GLIPR1L2: variants seen among roughly 807,000 people sequenced by gnomAD.
GLIPR1L2 encodes the protein GLIPR1-like protein 2.
Under a neutral mutation model 28.4 loss-of-function variants are expected in GLIPR1L2, and 21 were observed. The observed-to-expected ratio is 0.74, with a 90% CI of 0.52 to 1.06. The LOEUF is 1.06. Ranked by LOEUF, GLIPR1L2 falls within the 50% of genes least tolerant of loss-of-function variation. The pLI is 0.00. For synonymous variants in GLIPR1L2, 145 were observed against 139.3 expected, an observed-to-expected ratio of 1.04 and a Z score of -0.29; for missense variants, 476 against 416.9, an observed-to-expected ratio of 1.14 and a Z score of -1.23.
intron 1 of GLIPR1L2, chr12:75,391,672 A>G (rs898516115): frequency 7.5e-5 from 41 of 548,200 alleles, no homozygotes; most frequent in Admixed American, 1.2e-4. Context: ...TCAGTGCAAA[A>G]ATATCAATAT....
chr12:75,419,313 A>T (rs897375987), intron 3 of GLIPR1L2, among the ~76,000 whole-genome samples: 3 of 152,196 alleles, frequency 2.0e-5, no homozygotes, highest in African/African-American at 7.2e-5. Context: ...GGTTATAGCC[A>T]GTGAGTGAAA....
chr12:75,432,675 G>A lies in GLIPR1L2; in HGVS notation c.*1514G>A, dbSNP rs191972821. On this transcript the variant is annotated 3_prime_UTR_variant, in exon 6 of 6. Coordinates refer to ENST00000550916, the MANE Select transcript of GLIPR1L2 (RefSeq NM_001270396.2). ...TGAGAATTATATTAAAAAGCCCTGAGCTATCCTCTTGGATTTGAATGTTTC... is the reference window on the plus strand; with the variant it reads ...TGAGAATTATATTAAAAAGCCCTGAACTATCCTCTTGGATTTGAATGTTTC... 1 of 151,982 alleles carries A rather than the reference G, an allele frequency of 6.6e-6. No homozygotes were observed. The highest frequency in any genetic ancestry group is 2.4e-5 in the African/African-American group (1 of 41,470). The allele number at this position is 151,982 out of a possible 1,614,324, so 9.4% of individuals were successfully genotyped here. A position where few individuals can be genotyped will look rare whatever the true frequency, so the allele number is the denominator to read the frequency against.
At chr12:75,419,894 G>C (rs1223672325) in intron 3 of GLIPR1L2, among the ~76,000 whole-genome samples, 2 of 152,308 alleles carry the variant, frequency 1.3e-5, no homozygotes, top group East Asian at 1.9e-4. Flanking sequence ...AAATATATTA[G>C]ATGTTGCAGA....
intron 4 of GLIPR1L2, among the ~76,000 whole-genome samples, chr12:75,424,308 C>T (rs192222083): frequency 1.5e-3 from 221 of 152,332 alleles, no homozygotes; most frequent in African/African-American, 5.2e-3. Context: ...TTGCATTTCT[C>T]TAATGACCAG....
At chr12:75,409,124 C>T (rs10879909) in intron 1 of GLIPR1L2, among the ~76,000 whole-genome samples, 79,156 of 151,662 alleles carry the variant, frequency 0.52, 20,792 homozygotes, top group East Asian at 0.58. Context: ...ATGAATTCTT[C>T]TGCGATTTTT....
At chr12:75,426,941 A>G (rs969804596) in intron 4 of GLIPR1L2, among the ~76,000 whole-genome samples, 4 of 152,188 alleles carry the variant, frequency 2.6e-5, no homozygotes, top group Non-Finnish European at 5.9e-5. Flanking sequence ...CAAAAAGAAG[A>G]GATGAATGAA....
intron 1 of GLIPR1L2, among the ~76,000 whole-genome samples, chr12:75,406,783 GAGAGAA>G (rs1246734489): frequency 1.3e-5 from 2 of 148,552 alleles, no homozygotes; most frequent in Non-Finnish European, 3.0e-5. Flanking sequence ...AAGAGAGAGA[GAGAGAA>G]AGAGAGAGAG....
chr12:75,396,651 T>G (rs368324514), intron 1 of GLIPR1L2, among the ~76,000 whole-genome samples: 4 of 152,228 alleles, frequency 2.6e-5, no homozygotes, highest in African/African-American at 9.6e-5. Context: ...TCCCACAGTA[T>G]GGTTCCTATA....
intron 4 of GLIPR1L2, chr12:75,424,086 A>T (rs1364439374): frequency 6.6e-6 from 1 of 152,240 alleles, no homozygotes; most frequent in Non-Finnish European, 1.5e-5. Flanking sequence ...TGTACCCAGT[A>T]ATGGGATTAC....
intron 1 of GLIPR1L2, among the ~76,000 whole-genome samples, chr12:75,400,436 A>C (rs181791409): frequency 6.6e-6 from 1 of 152,192 alleles, no homozygotes; most frequent in African/African-American, 2.4e-5. Flanking sequence ...CGTTCTTTAT[A>C]CTAACAACAC....
intron 3 of GLIPR1L2, among the ~76,000 whole-genome samples, chr12:75,419,912 C>T (rs2045960106): frequency 1.3e-5 from 2 of 152,256 alleles, no homozygotes; most frequent in South Asian, 4.2e-4. Context: ...AGAAAGACAG[C>T]CAGATGGGAT....
intron 1 of GLIPR1L2, among the ~76,000 whole-genome samples, chr12:75,401,714 G>C (rs1255572767): frequency 6.6e-6 from 1 of 151,940 alleles, no homozygotes; most frequent in Non-Finnish European, 1.5e-5. Flanking sequence ...AAAAAATGTT[G>C]GTTGATAGAA....
At chr12:75,407,412 CAGAG>C (rs553171979) in intron 1 of GLIPR1L2, among the ~76,000 whole-genome samples, 260 of 151,908 alleles carry the variant, frequency 1.7e-3, no homozygotes, top group African/African-American at 2.4e-3. Flanking sequence ...AATTAAAAGA[CAGAG>C]AGAATAAAAT....
chr12:75,408,754 G>A (rs545401873), intron 1 of GLIPR1L2, among the ~76,000 whole-genome samples: 1 of 151,906 alleles, frequency 6.6e-6, no homozygotes, highest in African/African-American at 2.4e-5. Flanking sequence ...AAAGTTAAAG[G>A]CCAATAATAT....
intron 4 of GLIPR1L2, among the ~76,000 whole-genome samples, chr12:75,428,097 G>T (rs1344619698): frequency 6.6e-6 from 1 of 152,220 alleles, no homozygotes; most frequent in Non-Finnish European, 1.5e-5. Flanking sequence ...GGGCTCAGAA[G>T]AAGACAGGAA....
chr12:75,418,810 G>A (rs185364459), intron 3 of GLIPR1L2, among the ~76,000 whole-genome samples: 25 of 152,276 alleles, frequency 1.6e-4, no homozygotes, highest in Non-Finnish European at 2.4e-4. Context: ...CTATCCATGA[G>A]TTTGGAATGT....
chr12:75,392,000 C>G (rs535371073), intron 1 of GLIPR1L2, among the ~76,000 whole-genome samples: 1 of 151,952 alleles, frequency 6.6e-6, no homozygotes, highest in South Asian at 2.1e-4. Context: ...CCCTCTTTTA[C>G]ACCCTATAGT....
At chr12:75,423,586 A>G (rs927337540) in intron 4 of GLIPR1L2, 18 of 552,022 alleles carry the variant, frequency 3.3e-5, no homozygotes, top group Non-Finnish European at 3.9e-5. Flanking sequence ...TTTAATTATT[A>G]TACTTTAAGT....
At chr12:75,405,595 T>C (rs1436741937) in intron 1 of GLIPR1L2, among the ~76,000 whole-genome samples, 4 of 152,118 alleles carry the variant, frequency 2.6e-5, no homozygotes, top group African/African-American at 9.7e-5. Flanking sequence ...CACTTATGCC[T>C]GGGTCATGAC....
Sources: gnomAD v4.1 joint callset for allele counts (sites outside exome capture counted in the v4.1 genomes callset) on GRCh38, gnomAD v4.1.1 for gene constraint, MANE v1.5 for transcripts, NCBI Gene and HGNC (gene_info 2026-07-23, HGNC 2026-07-21) for gene names.